CPLX2: variants seen among roughly 807,000 people sequenced by gnomAD.
CPLX2 encodes the protein complexin-2.
CPLX2 carries 5 observed loss-of-function variants against 16.3 expected under a neutral mutation model. That is an observed-to-expected ratio of 0.31 (90% CI 0.16 to 0.64). The LOEUF is 0.64. Among genes scored for constraint, CPLX2 ranks in the 30% least tolerant of loss-of-function variants. CPLX2 has a pLI of 0.79. For synonymous variants in CPLX2, 89 were observed against 73.2 expected, an observed-to-expected ratio of 1.22 and a Z score of -1.10; for missense variants, 144 against 181.4, an observed-to-expected ratio of 0.79 and a Z score of 1.18.
intron 2 of CPLX2, among the ~76,000 whole-genome samples, chr5:175,832,128 A>G (rs1581081594): frequency 6.6e-6 from 1 of 152,274 alleles, no homozygotes; most frequent in East Asian, 1.9e-4. Flanking sequence ...TGGCCCTGAA[A>G]GTGGTACAGG....
chr5:175,874,815 C>T (rs559937362), intron 1 of CPLX2, among the ~76,000 whole-genome samples: 2 of 151,986 alleles, frequency 1.3e-5, no homozygotes, highest in East Asian at 3.9e-4. Context: ...GCAGGAGAGG[C>T]AGGAGGGGAG....
Position 175,878,985 on chromosome 5 carries a change from C to T in CPLX2, c.109C>T (p.Arg37Trp), listed in dbSNP as rs1755489718. The T allele has an allele frequency of 6.2e-7, 1 of 1,602,440 alleles. No individual in the cohort carries two copies. Among genetic ancestry groups the T allele is most frequent in the Non-Finnish European group, 8.5e-7 (1 of 1,174,800 alleles). ...DPDAQKKEEE[R>W]QEALRQQEEE... ...CGACGCGCAGAAAAAGGAGGAGGAG[C>T]GGCAGGAGGCGCTGCGGCAGCAGGA... The change falls in exon 3 of 4, where the codon CGG (arginine) becomes TGG (tryptophan). Residue 37 changes from arginine (R) to tryptophan (W), a missense_variant. Transcript: ENST00000393745.
At chr5:175,846,621 G>A (rs2113674168) in intron 2 of CPLX2, among the ~76,000 whole-genome samples, 1 of 152,266 alleles carries the variant, frequency 6.6e-6, no homozygotes, top group East Asian at 1.9e-4. Flanking sequence ...GGACAAAGAG[G>A]CTTGCTCAAG....
chr5:175,827,924 ACT>A (rs1289956364), intron 2 of CPLX2, among the ~76,000 whole-genome samples: 3 of 152,084 alleles, frequency 2.0e-5, no homozygotes, highest in African/African-American at 7.2e-5. Context: ...AAAGACCCAG[ACT>A]CTGCCCCCAA....
chr5:175,873,689 A>G (rs1310390656), intron 1 of CPLX2, among the ~76,000 whole-genome samples: 1 of 152,204 alleles, frequency 6.6e-6, no homozygotes, highest in Non-Finnish European at 1.5e-5. Flanking sequence ...GCTGATGATG[A>G]TAATGATGAC....
At chr5:175,844,071 T>C (rs768804782) in intron 2 of CPLX2, among the ~76,000 whole-genome samples, 9 of 152,204 alleles carry the variant, frequency 5.9e-5, no homozygotes, top group Non-Finnish European at 1.3e-4. Context: ...ACCTCACCTA[T>C]AGGACAAGGT....
chr5:175,803,298 G>A (rs374899964), intron 1 of CPLX2, among the ~76,000 whole-genome samples: 2 of 152,210 alleles, frequency 1.3e-5, no homozygotes, highest in African/African-American at 2.4e-5. Context: ...CAGGGAAGAC[G>A]AAGACAAGGA....
At position 175,879,126 on chromosome 5, in the gene CPLX2, G is replaced by A. The variant is rs1040791450; in HGVS notation, c.207+43G>A. 15 of 1,528,304 alleles carry A rather than the reference G, an allele frequency of 9.8e-6. No homozygotes were observed. In the Middle Eastern group the frequency reaches 7.1e-4, roughly 72 times the overall value. 94.7% of individuals were successfully genotyped at this position (1,528,304 alleles called of 1,614,324 possible). On this transcript the variant is annotated intron_variant, in intron 3 of 3. Transcript: ENST00000393745. ...GCCCGTCCTGGGGAGGGCCACAAGC[G>A]GGTAAAACCGGTCCAGCTAAAGCCC...
Position 175,883,789 on chromosome 5 carries a change from G to T in CPLX2, c.*3744G>T, listed in dbSNP as rs115640353. On this transcript the variant is annotated 3_prime_UTR_variant, in exon 4 of 4. Transcript: ENST00000393745. ...GAGCGGGGAGTCCTGGTGAGACCCC[G>T]GTGAGATGGACCATCCTGCCCCCGT... 1,079 of 152,856 alleles carry T rather than the reference G, an allele frequency of 7.1e-3. 20 individuals carry two copies. Among genetic ancestry groups the T allele is most frequent in the African/African-American group, 0.025 (1,032 of 41,544 alleles). 9.5% of individuals were successfully genotyped at this position (152,856 alleles called of 1,614,324 possible). A position where few individuals can be genotyped will look rare whatever the true frequency, so the allele number is the denominator to read the frequency against.
chr5:175,847,490 G>T (rs1369961626), intron 2 of CPLX2, among the ~76,000 whole-genome samples: 1 of 152,214 alleles, frequency 6.6e-6, no homozygotes, highest in Admixed American at 6.5e-5. Flanking sequence ...ACTCAGAGCC[G>T]CCGCTAAAGC....
intron 2 of CPLX2, among the ~76,000 whole-genome samples, chr5:175,842,914 T>C (rs981026709): frequency 2.6e-5 from 4 of 152,098 alleles, no homozygotes; most frequent in African/African-American, 9.7e-5. Flanking sequence ...GAAGAGAACA[T>C]CCCACCAAGT....
rs376616540 is a variant in CPLX2 at position 175,823,664 on chromosome 5, G to A, written c.-89+14596G>A. 3.9e-5 allele frequency among the ~76,000 whole-genome samples: 6 copies of A among 152,312 alleles called. No homozygotes were observed. In the East Asian group the frequency reaches 9.6e-4, roughly 24 times the overall value. ...TGGAGTGGATCAAGGTTACAGGGGA[G>A]GCAGCAAAGTGGGGGGAGCCAAAAT... is the stretch of plus-strand genomic sequence containing the variant. On this transcript the variant is annotated intron_variant, in intron 2 of 4. Transcript: ENST00000359546.
At chr5:175,808,814 T>G (rs1254690882) in intron 1 of CPLX2, among the ~76,000 whole-genome samples, 1 of 152,220 alleles carries the variant, frequency 6.6e-6, no homozygotes, top group Non-Finnish European at 1.5e-5. Context: ...TTGGGTCTGA[T>G]GCCAGGCAGG....
At chr5:175,822,911 G>A (rs1383028035) in intron 2 of CPLX2, among the ~76,000 whole-genome samples, 2 of 152,228 alleles carry the variant, frequency 1.3e-5, no homozygotes, top group African/African-American at 4.8e-5. Context: ...TCTTCCCAGA[G>A]AGGGGCCATT....
In CPLX2 at chr5:175,822,499, C is replaced by T. The variant is rs538448127; in HGVS notation, c.-89+13431C>T. Among the ~76,000 whole-genome samples, 136 of 152,312 alleles carry T rather than the reference C, an allele frequency of 8.9e-4. 1 individual carries two copies. The highest frequency in any genetic ancestry group is 2.6e-3 in the African/African-American group (108 of 41,566). On this transcript the variant is annotated intron_variant, in intron 2 of 4. Transcript: ENST00000359546. ...TGTAAATGAGAGTCTTTACCGTTAA[C>T]GAGGCTCTTTAGACTTAAGTGACAG...
intron 2 of CPLX2, among the ~76,000 whole-genome samples, chr5:175,818,011 C>T (rs981163140): frequency 5.9e-5 from 9 of 152,198 alleles, no homozygotes; most frequent in African/African-American, 2.2e-4. Context: ...CAAGCACTCC[C>T]TGTTTCTCCA....
intron 2 of CPLX2, among the ~76,000 whole-genome samples, chr5:175,820,078 A>ACGG (rs1758478243): frequency 6.6e-6 from 1 of 152,146 alleles, no homozygotes; most frequent in Admixed American, 6.5e-5. Context: ...CCCCAGCCTG[A>ACGG]GACTGTGTTG....
chr5:175,839,504 C>T lies in CPLX2; in HGVS notation c.-89+30436C>T, dbSNP rs564010207. ...TTCACCATGTTGGCCAGGCTGGTCTCGAACTCCTGACCTCAGGTGATCCGC... is the reference window on the plus strand; with the variant it reads ...TTCACCATGTTGGCCAGGCTGGTCTTGAACTCCTGACCTCAGGTGATCCGC... On this transcript the variant is annotated intron_variant, in intron 2 of 4. Coordinates refer to the CPLX2 transcript ENST00000359546. 1.1e-3 allele frequency among the ~76,000 whole-genome samples: 168 copies of T among 152,240 alleles called. 1 individual carries two copies. Among genetic ancestry groups the T allele is most frequent in the African/African-American group, 3.9e-3 (163 of 41,530 alleles).
At chr5:175,875,061 G>C (rs1274573541) in intron 1 of CPLX2, among the ~76,000 whole-genome samples, 2 of 152,216 alleles carry the variant, frequency 1.3e-5, no homozygotes, top group African/African-American at 4.8e-5. Flanking sequence ...CTGGCAATGG[G>C]AAAGCCTCTG....
Sources: allele counts gnomAD v4.1 joint callset (sites outside exome capture counted in the v4.1 genomes callset), GRCh38; gene constraint gnomAD v4.1.1; transcripts MANE v1.5; gene names NCBI Gene and HGNC (gene_info 2026-07-23, HGNC 2026-07-21).